The following TUSC3 variants were observed in gnomAD, a reference collection of about 807,000 sequenced individuals.
TUSC3 encodes dolichyl-diphosphooligosaccharide--protein glycosyltransferase subunit TUSC3.
In TUSC3, 45 loss-of-function variants were observed where a neutral mutation model predicts 44.8. The ratio of observed to expected loss-of-function variants is 1.00; its 90% CI spans 0.79 to 1.29. The LOEUF (loss-of-function observed/expected upper bound fraction) is 1.29, where lower values mean the gene tolerates loss of function less well. TUSC3 is among the 50% of genes most tolerant of loss of function. The pLI is 0.00. For synonymous variants in TUSC3, 212 were observed against 152.9 expected (o/e 1.39, Z -2.85); for missense variants, 519 against 437.9 (o/e 1.19, Z -1.65).
At chr8:15,438,570 T>A (rs1799980550) in intron 1 of TUSC3, among the ~76,000 whole-genome samples, 1 of 152,178 alleles carries the variant, frequency 6.6e-6, no homozygotes, top group Non-Finnish European at 1.5e-5. Flanking sequence ...GAAAGGCCAA[T>A]CTACTAATAC....
chr8:15,788,815 T>G, the TUSC3 span, among the ~76,000 whole-genome samples: 5 of 152,098 alleles, frequency 3.3e-5, no homozygotes, highest in Non-Finnish European at 5.9e-5. Flanking sequence ...TCACACTAAG[T>G]AGGTAAGTTG....
At chr8:15,584,544 G>A (rs1188091694) in intron 1 of TUSC3, among the ~76,000 whole-genome samples, 1 of 152,162 alleles carries the variant, frequency 6.6e-6, no homozygotes, top group African/African-American at 2.4e-5. Context: ...TAAGTGCTAT[G>A]ATAGAGCCAC....
At chr8:15,545,792 C>G (rs1351647443) in intron 1 of TUSC3, among the ~76,000 whole-genome samples, 1 of 151,624 alleles carries the variant, frequency 6.6e-6, no homozygotes, top group African/African-American at 2.4e-5. Flanking sequence ...TCATTATTTC[C>G]CTCTTTAGCC....
At chr8:15,660,029 A>G (rs1435730900) in intron 4 of TUSC3, among the ~76,000 whole-genome samples, 1 of 152,090 alleles carries the variant, frequency 6.6e-6, no homozygotes, top group African/African-American at 2.4e-5. Context: ...CTACGTGGAA[A>G]AATGTCTACT....
chr8:15,526,095 C>A (rs930320004), intron 2 of TUSC3, among the ~76,000 whole-genome samples: 1 of 151,980 alleles, frequency 6.6e-6, no homozygotes, highest in African/African-American at 2.4e-5. Flanking sequence ...TGCAGTGGCA[C>A]CATCTCGGCT....
intron 9 of TUSC3, among the ~76,000 whole-genome samples, chr8:15,754,186 A>G (rs1811824690): frequency 1.3e-5 from 2 of 152,116 alleles, no homozygotes; most frequent in Admixed American, 1.3e-4. Flanking sequence ...AACGCACAAC[A>G]CATACTCCCG....
intron 5 of TUSC3, among the ~76,000 whole-genome samples, chr8:15,672,152 A>T (rs768909027): frequency 6.6e-6 from 1 of 152,032 alleles, no homozygotes; most frequent in African/African-American, 2.4e-5. Context: ...TGGAGCATGC[A>T]GTGCCAGTTA....
intron 10 of TUSC3, chr8:15,758,165 T>A: frequency 9.2e-7 from 1 of 1,088,286 alleles, no homozygotes; most frequent in Non-Finnish European, 1.1e-6. Context: ...AAAAAGGCAG[T>A]CAACAAATAT....
intron 2 of TUSC3, among the ~76,000 whole-genome samples, chr8:15,523,191 A>G (rs2129129739): frequency 6.6e-6 from 1 of 152,224 alleles, no homozygotes; most frequent in South Asian, 2.1e-4. Context: ...GCATTAATCC[A>G]CTGCACCAGT....
intron 1 of TUSC3, among the ~76,000 whole-genome samples, chr8:15,458,140 G>C (rs1376676622): frequency 6.6e-6 from 1 of 152,114 alleles, no homozygotes. Context: ...TGTCTAGTGA[G>C]AGGAAGGAAG....
At chr8:15,704,485 GATAATCTGACATTTTAAAAATCACTT>G (rs1215833277) in intron 6 of TUSC3, among the ~76,000 whole-genome samples, 1 of 151,962 alleles carries the variant, frequency 6.6e-6, no homozygotes, top group African/African-American at 2.4e-5. Flanking sequence ...CAAGGAGTGA[GATAATCTGACATTTTAAAAATCACTT>G]ATTTTTGAGA....
chr8:15,770,785 C>T (rs554920793), downstream of TUSC3, among the ~76,000 whole-genome samples: 261 of 152,118 alleles, frequency 1.7e-3, 1 homozygote, highest in Non-Finnish European at 2.7e-3. Context: ...GACTGTTAGA[C>T]ACTATCAAGC....
At chr8:15,420,953 G>C (rs59932709) in intron 1 of TUSC3, among the ~76,000 whole-genome samples, 18,576 of 152,062 alleles carry the variant, frequency 0.12, 1,384 homozygotes, top group African/African-American at 0.22. Flanking sequence ...TTAATCTAGT[G>C]TCTTTGATTT....
At chr8:15,504,375 G>T (rs1420357368) in intron 2 of TUSC3, among the ~76,000 whole-genome samples, 3 of 151,922 alleles carry the variant, frequency 2.0e-5, no homozygotes, top group African/African-American at 7.2e-5. Context: ...TTAAACTACT[G>T]AGTGTAATGC....
At chr8:15,693,867 G>T (rs551898476) in intron 6 of TUSC3, among the ~76,000 whole-genome samples, 1 of 152,022 alleles carries the variant, frequency 6.6e-6, no homozygotes, top group South Asian at 2.1e-4. Context: ...ATTTCTGAAT[G>T]AGTTATTTCA....
rs776391759 is a variant in TUSC3 at position 15,764,189 on chromosome 8, T to C, written c.*47-14T>C. 1.9e-6 allele frequency: 3 copies of C among 1,599,180 alleles called. No individual in the cohort carries two copies. In the South Asian group the frequency reaches 3.3e-5, roughly 18 times the overall value. Reference sequence around the variant, plus strand: ...TTCTATGTTCAGCACATAATAATTTTCTTTCTTTTTCAGCTTTTTAATTAA... The same window carrying C: ...TTCTATGTTCAGCACATAATAATTTCCTTTCTTTTTCAGCTTTTTAATTAA... On this transcript the variant is annotated splice_polypyrimidine_tract_variant and intron_variant, in intron 10 of 10. Transcript: ENST00000503731.
At chr8:15,498,101 GA>G (rs1585066440) in intron 2 of TUSC3, among the ~76,000 whole-genome samples, 2 of 152,142 alleles carry the variant, frequency 1.3e-5, no homozygotes, top group Admixed American at 1.3e-4. Flanking sequence ...GTATGCTGAT[GA>G]TGACCTATCA....
At chr8:15,719,506 C>A (rs994619377) in intron 6 of TUSC3, among the ~76,000 whole-genome samples, 1 of 48,744 alleles carries the variant, frequency 2.1e-5, no homozygotes, top group African/African-American at 1.1e-4. Context: ...CACACACACA[C>A]ACACACACAC....
chr8:15,452,641 A>G (rs1800209225), intron 1 of TUSC3, among the ~76,000 whole-genome samples: 1 of 152,200 alleles, frequency 6.6e-6, no homozygotes. Context: ...TTTGTAGTCC[A>G]GGACACGTAG....
Sources: gnomAD v4.1 joint callset for allele counts (sites outside exome capture counted in the v4.1 genomes callset) on GRCh38, gnomAD v4.1.1 for gene constraint, MANE v1.5 for transcripts, NCBI Gene and HGNC (gene_info 2026-07-23, HGNC 2026-07-21) for gene names.